Variants in ZBTB7C observed in about 807,000 individuals in gnomAD.
ZBTB7C encodes zinc finger and BTB domain-containing protein 7C.
In ZBTB7C, 8 loss-of-function variants were observed where a neutral mutation model predicts 25.7. That is an observed-to-expected ratio of 0.31 (90% CI 0.18 to 0.56). The LOEUF (loss-of-function observed/expected upper bound fraction) is 0.56, where lower values mean the gene tolerates loss of function less well. Ranked by LOEUF, ZBTB7C falls within the 20% of genes least tolerant of loss-of-function variation. ZBTB7C has a pLI of 0.91. For synonymous variants in ZBTB7C, 394 were observed against 369.0 expected (o/e 1.07, Z -0.78); for missense variants, 824 against 855.2 (o/e 0.96, Z 0.46).
chr18:48,032,414 C>G (rs1256972653), intron 4 of ZBTB7C, among the ~76,000 whole-genome samples: 1 of 121,928 alleles, frequency 8.2e-6, no homozygotes, highest in Non-Finnish European at 1.6e-5. Flanking sequence ...TGTGCCCGGA[C>G]AAGGTAGGTT....
chr18:48,155,318 C>CCTT (rs2040804607), intron 3 of ZBTB7C, among the ~76,000 whole-genome samples: 3 of 78,006 alleles, frequency 3.8e-5, no homozygotes, highest in African/African-American at 5.2e-5. Flanking sequence ...CTGTAATATT[C>CCTT]TTTTTTTTTT....
Position 48,364,413 on chromosome 18 carries a change from C to T in ZBTB7C, c.-303-26015G>A, listed in dbSNP as rs191174883. 2.3e-3 allele frequency among the ~76,000 whole-genome samples: 349 copies of T among 152,220 alleles called. 1 individual carries two copies. Among genetic ancestry groups the T allele is most frequent in the Non-Finnish European group, 3.8e-3 (256 of 68,024 alleles). On this transcript the variant is annotated intron_variant, in intron 1 of 4. Coordinates refer to ENST00000590800, the MANE Select transcript of ZBTB7C (RefSeq NM_001318841.2). ...CACAGGAGGCAGCATTTGGGCCTGA[C>T]CTTTGAGGGTGAGTGGGCTTTGATT...
At chr18:48,356,151 G>A (rs1221053238) in intron 1 of ZBTB7C, among the ~76,000 whole-genome samples, 1 of 152,144 alleles carries the variant, frequency 6.6e-6, no homozygotes, top group African/African-American at 2.4e-5. Context: ...CATCCTTTCT[G>A]GGTTTATTCA....
intron 3 of ZBTB7C, among the ~76,000 whole-genome samples, chr18:48,138,549 T>A (rs1365477006): frequency 6.6e-6 from 1 of 152,088 alleles, no homozygotes; most frequent in African/African-American, 2.4e-5. Flanking sequence ...AAGAGGGCTG[T>A]GGACTGCTGC....
intron 2 of ZBTB7C, among the ~76,000 whole-genome samples, chr18:48,237,747 T>A (rs1234094545): frequency 1.3e-5 from 2 of 152,142 alleles, no homozygotes; most frequent in Non-Finnish European, 2.9e-5. Context: ...ATATACTCTA[T>A]CAACATGTGT....
chr18:48,295,970 T>A (rs1268229065), intron 2 of ZBTB7C, among the ~76,000 whole-genome samples: 3 of 152,158 alleles, frequency 2.0e-5, no homozygotes, highest in Non-Finnish European at 4.4e-5. Flanking sequence ...CTGGCTAGGA[T>A]CCCGGGCTCG....
intron 4 of ZBTB7C, among the ~76,000 whole-genome samples, chr18:48,032,392 G>A (rs1464258684): frequency 2.1e-5 from 3 of 145,862 alleles, no homozygotes; most frequent in African/African-American, 7.6e-5. Flanking sequence ...TAGGATTACA[G>A]GCGTGAGCCA....
At chr18:48,412,499 T>A (rs955738336), upstream of ZBTB7C, among the ~76,000 whole-genome samples, 1 of 152,120 alleles carries the variant, frequency 6.6e-6, no homozygotes, top group Non-Finnish European at 1.5e-5. Context: ...AGGGGCAGCA[T>A]TTGGATCCAG....
intron 3 of ZBTB7C, chr18:48,137,399 T>G: frequency 1.1e-6 from 1 of 942,816 alleles, no homozygotes; most frequent in Non-Finnish European, 1.3e-6. Flanking sequence ...TTCCTCCGTT[T>G]TGTTTTTTGT....
At chr18:48,247,741 G>C (rs2043736161) in intron 2 of ZBTB7C, among the ~76,000 whole-genome samples, 1 of 152,142 alleles carries the variant, frequency 6.6e-6, no homozygotes, top group Non-Finnish European at 1.5e-5. Context: ...TGGATCACGG[G>C]GGTAGTTTCC....
At chr18:48,201,098 C>T (rs1490596602) in intron 2 of ZBTB7C, among the ~76,000 whole-genome samples, 1 of 152,214 alleles carries the variant, frequency 6.6e-6, no homozygotes, top group Admixed American at 6.5e-5. Context: ...CTTTAAGCCC[C>T]TAAAGACATG....
chr18:48,051,921 T>C (rs1284541623), intron 3 of ZBTB7C, among the ~76,000 whole-genome samples: 5 of 150,986 alleles, frequency 3.3e-5, no homozygotes, highest in Non-Finnish European at 7.4e-5. Context: ...CTTTATTTTC[T>C]AGGGGGCAGT....
intron 2 of ZBTB7C, among the ~76,000 whole-genome samples, chr18:48,250,736 C>G (rs2144428757): frequency 6.6e-6 from 1 of 151,598 alleles, no homozygotes; most frequent in East Asian, 1.9e-4. Flanking sequence ...TACCCACCCA[C>G]TCAGCTGACT....
chr18:48,198,343 A>G (rs115734020), intron 2 of ZBTB7C, among the ~76,000 whole-genome samples: 2,846 of 152,278 alleles, frequency 0.019, 99 homozygotes, highest in African/African-American at 0.065. Flanking sequence ...CTCCAGACAC[A>G]CTGCATCAGT....
At chr18:48,312,263 A>G (rs1164740531) in intron 2 of ZBTB7C, among the ~76,000 whole-genome samples, 1 of 152,202 alleles carries the variant, frequency 6.6e-6, no homozygotes, top group Non-Finnish European at 1.5e-5. Context: ...TCTTGAGGCC[A>G]TCCAGGCAGC....
intron 3 of ZBTB7C, among the ~76,000 whole-genome samples, chr18:48,097,672 C>T (rs2038688309): frequency 6.6e-6 from 1 of 152,130 alleles, no homozygotes; most frequent in Non-Finnish European, 1.5e-5. Context: ...GCTGGGATTA[C>T]AGGCGCGAGC....
At chr18:48,367,937 T>A in intron 1 of ZBTB7C, among the ~76,000 whole-genome samples, 1 of 144,420 alleles carries the variant, frequency 6.9e-6, no homozygotes, top group Middle Eastern at 3.7e-3. Context: ...CTGGCAGTAA[T>A]AACATGGTGC....
At chr18:48,271,056 A>T (rs1339074310) in intron 2 of ZBTB7C, among the ~76,000 whole-genome samples, 4 of 152,188 alleles carry the variant, frequency 2.6e-5, no homozygotes, top group African/African-American at 9.7e-5. Context: ...AGAAATAAAA[A>T]CCTGCATACA....
Position 48,333,080 on chromosome 18 carries a change from C to A in ZBTB7C, c.-79+5094G>T, listed in dbSNP as rs529759885. ...CAAGATGATTTTAAGCTAATAAGAA[C>A]CCCCAAATTAGAAACTAATTAAGGA... On this transcript the variant is annotated intron_variant, in intron 2 of 4. Coordinates refer to ENST00000590800, the MANE Select transcript of ZBTB7C (RefSeq NM_001318841.2). Among the ~76,000 whole-genome samples the A allele has an allele frequency of 8.6e-5, 13 of 151,980 alleles. No individual in the cohort carries two copies. In the South Asian group the frequency reaches 2.7e-3, roughly 32 times the overall value.
Sources: allele counts gnomAD v4.1 joint callset (sites outside exome capture counted in the v4.1 genomes callset), GRCh38; gene constraint gnomAD v4.1.1; transcripts MANE v1.5; gene names NCBI Gene and HGNC (gene_info 2026-07-23, HGNC 2026-07-21).